The following TCTN2 variants were observed in gnomAD, a reference collection of about 807,000 sequenced individuals.
The protein encoded by TCTN2 is tectonic-2.
In TCTN2, 66 loss-of-function variants were observed where a neutral mutation model predicts 83.4. The ratio of observed to expected loss-of-function variants is 0.79; its 90% confidence interval spans 0.65 to 0.97. The LOEUF (loss-of-function observed/expected upper bound fraction) is 0.97. Ranked by LOEUF, TCTN2 falls within the 50% of genes least tolerant of loss-of-function variation. The pLI is 0.00. For synonymous variants in TCTN2, 301 were observed against 326.7 expected (o/e 0.92, Z 0.85); for missense variants, 794 against 858.1 (o/e 0.93, Z 0.93).
chr12:123,685,334 A>G (rs976972105), intron 5 of TCTN2, among the ~76,000 whole-genome samples: 1 of 152,236 alleles, frequency 6.6e-6, no homozygotes, highest in Non-Finnish European at 1.5e-5. Flanking sequence ...TCTACTGTCA[A>G]TAAACAAAGA....
At chr12:123,678,548 A>G (rs1430354530) in intron 4 of TCTN2, among the ~76,000 whole-genome samples, 1 of 152,154 alleles carries the variant, frequency 6.6e-6, no homozygotes, top group Non-Finnish European at 1.5e-5. Context: ...CTGGCCTCCC[A>G]AAGTGCTGGG....
rs1407165104 is a variant in TCTN2, at chr12:123,671,507, C to T, written c.83C>T (p.Ala28Val). 4 of 1,614,100 alleles carry T rather than the reference C, an allele frequency of 2.5e-6. No individual in the cohort carries two copies. Among genetic ancestry groups the T allele is most frequent in the East Asian group, 2.2e-5 (1 of 44,880 alleles). ...GILRLLWGDLAFIPPFIRMSG... is the reference protein window; with the variant it reads ...GILRLLWGDLVFIPPFIRMSG... ...CTTGTCCCCTTTCCTTCCCGCCTAG[C>T]TTTCATCCCTCCTTTTATCCGAATG... is the stretch of plus-strand genomic sequence containing the variant. The change falls in exon 2 of 18, where the codon GCT becomes GTT. Residue 28 changes from alanine to valine, a missense_variant and splice_region_variant. Ala to Val is a moderately conservative substitution (Grantham distance 64). Coordinates refer to ENST00000303372, the MANE Select transcript of TCTN2 (RefSeq NM_024809.5).
chr12:123,698,035 CTGTTTT>C (rs1162925964), intron 13 of TCTN2, among the ~76,000 whole-genome samples: 5 of 151,076 alleles, frequency 3.3e-5, no homozygotes, highest in Non-Finnish European at 7.4e-5. Flanking sequence ...GGCCTATGTT[CTGTTTT>C]TGTTTTTGTT....
At position 123,688,053 on chromosome 12, in the gene TCTN2, C is replaced by G; in HGVS notation, c.767C>G (p.Ser256Cys). ...CAGCCTTTCTTATTGATTTTCAGTT[C>G]CCCCAAACAGGACTCTTCCTTTGAA... ...FLGYFYHGAV[S>C]PKQDSSFEVY... Residue 256 changes from serine (S) to cysteine (C), a missense_variant and splice_region_variant, in exon 7 of 18, where the codon TCC (serine) becomes TGC (cysteine). Ser to Cys is a moderately radical substitution (Grantham distance 112). Coordinates refer to ENST00000303372, the MANE Select transcript of TCTN2 (RefSeq NM_024809.5). 1 of 1,613,874 alleles carries G rather than the reference C, an allele frequency of 6.2e-7. No individual in the cohort carries two copies. The highest frequency in any genetic ancestry group is 8.5e-7 in the Non-Finnish European group (1 of 1,179,888).
chr12:123,706,962 TA>T, intron 16 of TCTN2, 22 bp from the exon 17 acceptor site: 1 of 1,613,770 alleles, frequency 6.2e-7, no homozygotes. Flanking sequence ...GTAGTTTTTG[TA>T]ACCCTCTAAA....
chr12:123,686,365 A>G (rs1566251288), intron 5 of TCTN2, among the ~76,000 whole-genome samples: 2 of 149,436 alleles, frequency 1.3e-5, no homozygotes, highest in Non-Finnish European at 2.9e-5. Flanking sequence ...TTTCTTGATG[A>G]CATTAATTGG....
At chr12:123,697,657 G>A (rs748922465) in intron 13 of TCTN2, among the ~76,000 whole-genome samples, 2 of 151,552 alleles carry the variant, frequency 1.3e-5, no homozygotes, top group Non-Finnish European at 2.9e-5. Flanking sequence ...GCACCACCAC[G>A]CCTGCTGATT....
rs367565643 is a variant in TCTN2, at chr12:123,671,194, C to T, written c.-47C>T. 72 of 1,568,264 alleles carry T rather than the reference C, an allele frequency of 4.6e-5. No individual in the cohort carries two copies. In the African/African-American group the frequency reaches 7.7e-4, roughly 17 times the overall value. ...TTCGTGTCTGAGTCCTTCCTGGGTT[C>T]TAATGAGGGCGCGGTTCTGCTGTGC... On this transcript the variant is annotated 5_prime_UTR_variant, in exon 1 of 18. Transcript: ENST00000303372.
At chr12:123,700,237 C>T in intron 14 of TCTN2, 1 of 333,150 alleles carries the variant, frequency 3.0e-6, no homozygotes. Flanking sequence ...TCATTAACTC[C>T]TGGGCTTAAG....
intron 16 of TCTN2, 24 bp downstream of exon 16, chr12:123,706,875 G>A: frequency 6.2e-7 from 1 of 1,614,082 alleles, no homozygotes; most frequent in African/African-American, 1.3e-5. Flanking sequence ...TCACCTAGTT[G>A]ACATTAGGAA....
intron 17 of TCTN2, 73 bp from the exon 18 acceptor site, chr12:123,707,531 C>T (rs1021218564): frequency 8.4e-6 from 12 of 1,429,946 alleles, no homozygotes; most frequent in Middle Eastern, 1.7e-4. Flanking sequence ...AGCCACCACA[C>T]CCAGCCTATA....
chr12:123,693,684 C>T (rs914054462), intron 9 of TCTN2, among the ~76,000 whole-genome samples: 1 of 151,840 alleles, frequency 6.6e-6, no homozygotes, highest in African/African-American at 2.4e-5. Context: ...GAACTCCTGA[C>T]CTCAGGTGAT....
At chr12:123,703,886 T>A (rs1483922962) in intron 14 of TCTN2, among the ~76,000 whole-genome samples, 1 of 152,190 alleles carries the variant, frequency 6.6e-6, no homozygotes, top group Non-Finnish European at 1.5e-5. Context: ...ATTATATATG[T>A]TTCTGTTAAA....
chr12:123,702,015 G>T (rs1956178755), intron 14 of TCTN2, among the ~76,000 whole-genome samples: 1 of 152,194 alleles, frequency 6.6e-6, no homozygotes, highest in African/African-American at 2.4e-5. Context: ...TGTTGGAGAG[G>T]CCTAAGGTCA....
chr12:123,684,366 G>A (rs530670005), intron 5 of TCTN2, among the ~76,000 whole-genome samples: 12 of 151,614 alleles, frequency 7.9e-5, no homozygotes, highest in Admixed American at 4.0e-4. Flanking sequence ...AAACAGGAAA[G>A]GGAAGTTTAG....
In TCTN2 at chr12:123,671,608, G is replaced by A; in HGVS notation, c.184G>A (p.Glu62Lys). Residue 62 changes from glutamate (E) to lysine (K), a missense_variant, in exon 2 of 18, where the codon GAG becomes AAG. Coordinates refer to ENST00000303372, the MANE Select transcript of TCTN2 (RefSeq NM_024809.5). ...CGTGTCCCTGGCAGTGCTGCAGGAC[G>A]AGGCGGGTAAAGTCCGGCCCTCTTT... ...VTVSLAVLQD[E>K]AGILPIPTCG... 3 of 1,612,104 alleles carry A rather than the reference G, an allele frequency of 1.9e-6. No individual in the cohort carries two copies. Among genetic ancestry groups the A allele is most frequent in the Non-Finnish European group, 1.7e-6 (2 of 1,179,820 alleles).
At chr12:123,695,079 GT>G (rs1956091277) in intron 10 of TCTN2, 103 bp downstream of exon 10, 1 of 1,503,794 alleles carries the variant, frequency 6.6e-7, no homozygotes, top group Non-Finnish European at 9.2e-7. Flanking sequence ...AGTTGGACTT[GT>G]TTCTTATGTG....
At position 123,699,800 on chromosome 12, in the gene TCTN2, C is replaced by T. The variant is rs752527801; in HGVS notation, c.1602C>T (p.Leu534=). Residue 534 remains leucine (L), a synonymous_variant, in exon 14 of 18, where the codon CTC becomes CTT. Transcript: ENST00000303372. ...SDYADLSDGW[L]EIIRVDAPDP... Reference sequence around the variant, plus strand: ...ACGCTGATCTTAGTGATGGCTGGCTCGAAATAATACGTAAGTCAAACCCGG... The same window carrying T: ...ACGCTGATCTTAGTGATGGCTGGCTTGAAATAATACGTAAGTCAAACCCGG... The T allele has an allele frequency of 8.7e-6, 14 of 1,613,602 alleles. No individual in the cohort carries two copies. Among genetic ancestry groups the T allele is most frequent in the Middle Eastern group, 1.6e-4 (1 of 6,084 alleles).
chr12:123,678,480 G>A (rs113613042), intron 4 of TCTN2, among the ~76,000 whole-genome samples: 8,342 of 152,168 alleles, frequency 0.055, 449 homozygotes, highest in African/African-American at 0.13. Flanking sequence ...TAGAGACAGG[G>A]TTTCACTATG....
Sources: allele counts gnomAD v4.1 joint callset (sites outside exome capture counted in the v4.1 genomes callset), GRCh38; gene constraint gnomAD v4.1.1; transcripts MANE v1.5; gene names NCBI Gene and HGNC (gene_info 2026-07-23, HGNC 2026-07-21).